The following RNLS variants were observed in gnomAD, a reference collection of about 807,000 sequenced individuals.
RNLS encodes the protein renalase.
A neutral mutation model predicts 39.8 loss-of-function variants in RNLS; 39 were observed. That is an observed-to-expected ratio of 0.98 (90% CI 0.76 to 1.28). The LOEUF is 1.28. RNLS is among the 50% of genes most tolerant of loss of function. RNLS has a pLI of 0.00. For synonymous variants in RNLS, 147 were observed against 150.7 expected (o/e 0.98, Z 0.18); for missense variants, 410 against 413.3 (o/e 0.99, Z 0.07).
At chr10:88,464,448 T>G (rs1843097277) in intron 4 of RNLS, among the ~76,000 whole-genome samples, 1 of 152,082 alleles carries the variant, frequency 6.6e-6, no homozygotes, top group Non-Finnish European at 1.5e-5. Flanking sequence ...TATAGCCCAC[T>G]GGGGCCAGAA....
At chr10:88,179,058 A>T in the RNLS span, among the ~76,000 whole-genome samples, 4 of 152,260 alleles carry the variant, frequency 2.6e-5, no homozygotes, top group Admixed American at 6.5e-5. Context: ...TCTCTAAAAA[A>T]AGAAAAGAAA....
chr10:88,482,863 A>C (rs1844277198), intron 4 of RNLS, among the ~76,000 whole-genome samples: 1 of 152,160 alleles, frequency 6.6e-6, no homozygotes, highest in African/African-American at 2.4e-5. Context: ...TAAATCTGTG[A>C]AATCTGTCTC....
At chr10:88,447,047 G>A (rs1386852292) in intron 4 of RNLS, among the ~76,000 whole-genome samples, 1 of 152,196 alleles carries the variant, frequency 6.6e-6, no homozygotes, top group African/African-American at 2.4e-5. Flanking sequence ...CAAACCCACA[G>A]CCAATATCAT....
intron 6 of RNLS, among the ~76,000 whole-genome samples, chr10:88,288,539 T>G (rs954882594): frequency 6.6e-6 from 1 of 152,164 alleles, no homozygotes. Flanking sequence ...AATCTCCATT[T>G]GTGGTAAAAT....
At chr10:88,525,600 T>C (rs746981838) in intron 4 of RNLS, among the ~76,000 whole-genome samples, 6 of 152,184 alleles carry the variant, frequency 3.9e-5, no homozygotes, top group Admixed American at 1.3e-4. Context: ...AAACTAATCC[T>C]GTGCTGAAAG....
At chr10:88,213,863 T>C in the RNLS span, among the ~76,000 whole-genome samples, 1 of 152,206 alleles carries the variant, frequency 6.6e-6, no homozygotes, top group Non-Finnish European at 1.5e-5. Flanking sequence ...TTGATTTCGT[T>C]TGTTTATTTT....
chr10:88,430,359 G>A (rs1855060638), intron 4 of RNLS, among the ~76,000 whole-genome samples: 1 of 151,704 alleles, frequency 6.6e-6, no homozygotes, highest in Non-Finnish European at 1.5e-5. Flanking sequence ...TAGCAGCCTT[G>A]CTCAACTCAC....
At chr10:88,301,580 A>C (rs988459656) in intron 6 of RNLS, among the ~76,000 whole-genome samples, 1 of 152,234 alleles carries the variant, frequency 6.6e-6, no homozygotes, top group Non-Finnish European at 1.5e-5. Context: ...ATTATCAAAC[A>C]CTGGAAAATG....
chr10:88,381,741 T>C (rs1040904014), intron 4 of RNLS, among the ~76,000 whole-genome samples: 4 of 152,046 alleles, frequency 2.6e-5, no homozygotes, highest in Admixed American at 2.6e-4. Context: ...GAAAAATATT[T>C]ATCAATGTTT....
chr10:88,274,892 G>T, exon 7 of RNLS: 2 of 1,113,244 alleles, frequency 1.8e-6, no homozygotes, highest in Non-Finnish European at 2.7e-6. Context: ...TATCCTAAAG[G>T]CTGTGAAGTG....
At chr10:88,482,991 T>C (rs1844286951) in intron 4 of RNLS, among the ~76,000 whole-genome samples, 1 of 152,002 alleles carries the variant, frequency 6.6e-6, no homozygotes, top group Non-Finnish European at 1.5e-5. Flanking sequence ...CCTTTCTTCC[T>C]TTTTGTAGAG....
downstream of RNLS, among the ~76,000 whole-genome samples, chr10:88,271,674 G>T (rs7915767): frequency 6.6e-6 from 1 of 152,072 alleles, no homozygotes; most frequent in Non-Finnish European, 1.5e-5. Context: ...CACCCCGTCC[G>T]GTTTCATTTT....
At chr10:88,562,646 C>CT (rs1271269236) in intron 4 of RNLS, among the ~76,000 whole-genome samples, 4 of 152,042 alleles carry the variant, frequency 2.6e-5, no homozygotes, top group Middle Eastern at 3.4e-3. Context: ...TAAAGAGATA[C>CT]TTGATAAAAC....
In RNLS at chr10:88,420,087, T is replaced by A. The variant is rs528491057; in HGVS notation, c.527-57362A>T. The stretch of plus-strand genomic sequence containing the variant: ...ATGAATAAATAAATAAATAAAATAA[T>A]AAGAGCATTGGATTTAGAGTCAGAA... On this transcript the variant is annotated intron_variant, in intron 4 of 6. Coordinates refer to ENST00000331772, the MANE Select transcript of RNLS (RefSeq NM_001031709.3). Among the ~76,000 whole-genome samples, 106 of 150,730 alleles carry A rather than the reference T, an allele frequency of 7.0e-4. 1 individual carries two copies. In the South Asian group the frequency reaches 8.4e-3, roughly 12 times the overall value.
At chr10:88,266,141 T>C in the RNLS span, among the ~76,000 whole-genome samples, 1 of 152,196 alleles carries the variant, frequency 6.6e-6, no homozygotes, top group Non-Finnish European at 1.5e-5. Context: ...TTTACCAGGC[T>C]GGCTAGTCAC....
At chr10:88,575,414 A>T (rs1384137956) in intron 3 of RNLS, among the ~76,000 whole-genome samples, 1 of 151,562 alleles carries the variant, frequency 6.6e-6, no homozygotes, top group Non-Finnish European at 1.5e-5. Flanking sequence ...GAGCCTCGCA[A>T]TCCATGTTTA....
intron 4 of RNLS, among the ~76,000 whole-genome samples, chr10:88,428,700 A>G (rs1306936742): frequency 1.3e-5 from 2 of 152,026 alleles, no homozygotes; most frequent in African/African-American, 2.4e-5. Context: ...TGCCAAGAGC[A>G]CTGAATTCAA....
At chr10:88,273,242 AAGG>A, downstream of RNLS, among the ~76,000 whole-genome samples, 1 of 152,316 alleles carries the variant, frequency 6.6e-6, no homozygotes, top group Non-Finnish European at 1.5e-5. Flanking sequence ...ACCTCAACAC[AAGG>A]CCAATTGGCT....
chr10:88,580,261 T>C (rs1313362105), intron 3 of RNLS, among the ~76,000 whole-genome samples: 2 of 152,166 alleles, frequency 1.3e-5, no homozygotes, highest in Non-Finnish European at 2.9e-5. Context: ...CCCTATTGGT[T>C]CTGTTTCTCT....
Sources: gnomAD v4.1 joint callset for allele counts (sites outside exome capture counted in the v4.1 genomes callset) on GRCh38, gnomAD v4.1.1 for gene constraint, MANE v1.5 for transcripts, NCBI Gene and HGNC (gene_info 2026-07-23, HGNC 2026-07-21) for gene names.